Variants in GNAI1 observed in about 807,000 individuals in gnomAD.
GNAI1 encodes guanine nucleotide-binding protein G(i) subunit alpha-1.
Under a neutral mutation model 38.9 loss-of-function variants are expected in GNAI1, and 11 were observed. That is an observed-to-expected ratio of 0.28 (90% confidence interval 0.18 to 0.47). GNAI1 has a LOEUF of 0.47. Among genes scored for constraint, GNAI1 ranks in the 20% least tolerant of loss-of-function variants. The pLI is 0.99. For missense variants in GNAI1, 317 were observed against 436.9 expected (o/e 0.73, Z 2.45); for synonymous variants, 166 against 145.1 (o/e 1.14, Z -1.04).
chr7:80,204,571 G>A lies in GNAI1; in HGVS notation c.590+739G>A, dbSNP rs372668955. On this transcript the variant is annotated intron_variant, in intron 5 of 7. Transcript: ENST00000649796. ...GAGAACTGTTGGACTTAAACACAAC[G>A]AAATATAATGTTTTCATTTGCAGAG... is the stretch of plus-strand genomic sequence containing the variant. Among the ~76,000 whole-genome samples, 6 of 152,222 alleles carry A rather than the reference G, an allele frequency of 3.9e-5. No individual in the cohort carries two copies. In the East Asian group the frequency reaches 7.7e-4, roughly 20 times the overall value.
intron 1 of GNAI1, among the ~76,000 whole-genome samples, chr7:80,184,903 C>T (rs1788362987): frequency 6.6e-6 from 1 of 152,184 alleles, no homozygotes; most frequent in Admixed American, 6.5e-5. Context: ...CTCATTCACT[C>T]CACAGTGATT....
At chr7:80,181,818 G>A (rs144629951) in intron 1 of GNAI1, among the ~76,000 whole-genome samples, 206 of 152,198 alleles carry the variant, frequency 1.4e-3, no homozygotes, top group Admixed American at 2.6e-3. Context: ...TACTATATGG[G>A]TACGTAAATA....
chr7:80,143,703 A>T (rs1157684274), intron 1 of GNAI1, among the ~76,000 whole-genome samples: 1 of 152,164 alleles, frequency 6.6e-6, no homozygotes, highest in Non-Finnish European at 1.5e-5. Context: ...GATAATAAAT[A>T]TATCTACTTC....
At position 80,154,869 on chromosome 7, in the gene GNAI1, A is replaced by G. The variant is rs942242248; in HGVS notation, c.118+19591A>G. 7.2e-5 allele frequency among the ~76,000 whole-genome samples: 11 copies of G among 152,226 alleles called. No homozygotes were observed. The East Asian group carries it at 1.5e-3, about 21-fold the overall frequency. ...TGTGTTCCAGAATTATTTGAGAGCT[A>G]TAATTGTGAAAGACTTGGATTTACA... On this transcript the variant is annotated intron_variant, in intron 1 of 7. Coordinates refer to ENST00000649796, the MANE Select transcript of GNAI1 (RefSeq NM_002069.6).
At chr7:80,192,101 ATAT>A (rs1788490765) in intron 3 of GNAI1, among the ~76,000 whole-genome samples, 2 of 152,184 alleles carry the variant, frequency 1.3e-5, no homozygotes, top group Non-Finnish European at 2.9e-5. Context: ...CCTTCCTTGC[ATAT>A]TGCAAACACT....
chr7:80,199,746 T>A (rs768580797), intron 4 of GNAI1, among the ~76,000 whole-genome samples: 11 of 152,168 alleles, frequency 7.2e-5, no homozygotes, highest in Non-Finnish European at 1.3e-4. Context: ...GTAACTGATT[T>A]GAGTTCCTTT....
chr7:80,155,710 T>C (rs1787806390), intron 1 of GNAI1, among the ~76,000 whole-genome samples: 1 of 151,880 alleles, frequency 6.6e-6, no homozygotes, highest in Admixed American at 6.6e-5. Flanking sequence ...GATAGCACAG[T>C]TACACAGTTA....
At chr7:80,144,491 T>C (rs1301418653) in intron 1 of GNAI1, among the ~76,000 whole-genome samples, 1 of 152,224 alleles carries the variant, frequency 6.6e-6, no homozygotes, top group Non-Finnish European at 1.5e-5. Context: ...TCTGTGATAG[T>C]ATTTGTGCCT....
chr7:80,142,074 C>A (rs922134170), intron 1 of GNAI1, among the ~76,000 whole-genome samples: 5 of 152,170 alleles, frequency 3.3e-5, no homozygotes, highest in African/African-American at 4.8e-5. Flanking sequence ...TGAGCCCACA[C>A]TGGGAGAGAC....
intron 3 of GNAI1, 109 bp from the exon 4 acceptor site, chr7:80,199,116 A>G (rs994220485): frequency 9.2e-6 from 7 of 760,598 alleles, no homozygotes; most frequent in Admixed American, 2.8e-5. Context: ...AATAAAAACA[A>G]AGGAAGTTCG....
chr7:80,204,891 C>G (rs979095990), intron 5 of GNAI1, among the ~76,000 whole-genome samples: 1 of 151,152 alleles, frequency 6.6e-6, no homozygotes, highest in Non-Finnish European at 1.5e-5. Context: ...CATCTAAGAC[C>G]ACTGTAGTGT....
At chr7:80,171,226 A>G (rs562796676) in intron 1 of GNAI1, among the ~76,000 whole-genome samples, 1 of 152,268 alleles carries the variant, frequency 6.6e-6, no homozygotes, top group East Asian at 1.9e-4. Context: ...AATTTGATGT[A>G]TTTATCCTCA....
rs1300392301 is a variant in GNAI1 at position 80,223,785 on chromosome 7, A to G, written c.*6292A>G. Among the ~76,000 whole-genome samples the G allele has an allele frequency of 6.6e-6, 1 of 151,484 alleles. No individual in the cohort carries two copies. Among genetic ancestry groups the G allele is most frequent in the Admixed American group, 6.5e-5 (1 of 15,272 alleles). On this transcript the variant is annotated 3_prime_UTR_variant, in exon 8 of 8. Coordinates refer to ENST00000649796, the MANE Select transcript of GNAI1 (RefSeq NM_002069.6). ...TACTTCACAAGGCAATTTACCTGTA[A>G]TAAATATAACTTTTTTGCAGACTTG...
At chr7:80,147,685 C>A (rs978202961) in intron 1 of GNAI1, among the ~76,000 whole-genome samples, 3 of 152,138 alleles carry the variant, frequency 2.0e-5, no homozygotes, top group African/African-American at 2.4e-5. Context: ...AACATGATTT[C>A]CCATTGCTTT....
chr7:80,139,271 C>G (rs1239423561), intron 1 of GNAI1, among the ~76,000 whole-genome samples: 1 of 152,144 alleles, frequency 6.6e-6, no homozygotes, highest in African/African-American at 2.4e-5. Context: ...CCAATAGGCT[C>G]TCTTGCATCT....
At chr7:80,176,157 G>A (rs972346032) in intron 1 of GNAI1, among the ~76,000 whole-genome samples, 3 of 152,194 alleles carry the variant, frequency 2.0e-5, no homozygotes, top group Non-Finnish European at 2.9e-5. Context: ...AAGTGAAACA[G>A]CCTTATTGCT....
At chr7:80,181,038 G>C (rs375176676) in intron 1 of GNAI1, among the ~76,000 whole-genome samples, 1 of 152,038 alleles carries the variant, frequency 6.6e-6, no homozygotes, top group Admixed American at 6.6e-5. Flanking sequence ...GGAAGGGAAA[G>C]ACCAGCTCAT....
intron 1 of GNAI1, among the ~76,000 whole-genome samples, chr7:80,148,744 T>G (rs778593865): frequency 4.2e-4 from 64 of 152,122 alleles, no homozygotes; most frequent in Non-Finnish European, 8.5e-4. Context: ...TGTCTTTATT[T>G]CTGAAAGTTA....
intron 4 of GNAI1, among the ~76,000 whole-genome samples, chr7:80,202,376 C>T (rs761491025): frequency 4.6e-5 from 7 of 152,184 alleles, no homozygotes; most frequent in Non-Finnish European, 7.3e-5. Flanking sequence ...GCGCCAGCCA[C>T]CACGCCTGGC....
Sources: gnomAD v4.1 joint callset for allele counts (sites outside exome capture counted in the v4.1 genomes callset) on GRCh38, gnomAD v4.1.1 for gene constraint, MANE v1.5 for transcripts, NCBI Gene and HGNC (gene_info 2026-07-23, HGNC 2026-07-21) for gene names.